The following PTPRM variants were observed in gnomAD, a reference collection of about 807,000 sequenced individuals.
PTPRM encodes receptor-type tyrosine-protein phosphatase mu.
PTPRM carries 47 observed loss-of-function variants against 186.7 expected under a neutral mutation model. The ratio of observed to expected loss-of-function variants is 0.25; its 90% CI spans 0.20 to 0.32. The LOEUF (loss-of-function observed/expected upper bound fraction) is 0.32, where lower values mean the gene tolerates loss of function less well. PTPRM is among the 10% of genes least tolerant of loss of function. PTPRM has a pLI of 1.00. For synonymous variants in PTPRM, 668 were observed against 674.9 expected (o/e 0.99, Z 0.16); for missense variants, 1,494 against 1,865.0 (o/e 0.80, Z 3.66).
At chr18:8,383,983 G>A (rs187979406) in intron 29 of PTPRM, among the ~76,000 whole-genome samples, 17 of 152,280 alleles carry the variant, frequency 1.1e-4, no homozygotes, top group South Asian at 2.1e-4. Context: ...ACATGACCTC[G>A]TTGGAAAGCA....
chr18:7,631,262 G>A (rs1046210464), intron 1 of PTPRM, among the ~76,000 whole-genome samples: 2 of 152,056 alleles, frequency 1.3e-5, no homozygotes, highest in Non-Finnish European at 2.9e-5. Context: ...GAATCCCACT[G>A]AGAAAATATT....
intron 8 of PTPRM, among the ~76,000 whole-genome samples, chr18:8,075,280 C>A (rs1303711060): frequency 1.4e-5 from 2 of 147,788 alleles, no homozygotes; most frequent in East Asian, 2.0e-4. Context: ...ATATATATAT[C>A]TTTATCTATG....
chr18:7,838,699 G>A (rs527789145), intron 2 of PTPRM, among the ~76,000 whole-genome samples: 1 of 152,346 alleles, frequency 6.6e-6, no homozygotes, highest in East Asian at 1.9e-4. Flanking sequence ...AGGCCTTGGG[G>A]CTCTACAGTC....
chr18:7,825,121 C>A (rs2045414519), intron 2 of PTPRM, among the ~76,000 whole-genome samples: 2 of 152,108 alleles, frequency 1.3e-5, no homozygotes, highest in African/African-American at 4.8e-5. Flanking sequence ...GGAGGAAATT[C>A]CCTAGGAAGA....
rs576793018 is a variant in PTPRM at position 7,721,040 on chromosome 18, C to A, written c.74-53109C>A. 1.7e-3 allele frequency among the ~76,000 whole-genome samples: 265 copies of A among 152,100 alleles called. 1 individual carries two copies. Among genetic ancestry groups the A allele is most frequent in the Non-Finnish European group, 3.0e-3 (204 of 67,966 alleles). ...ATTCTATTTTAAACTTTTTGAGGGACTTCCATACTCTTTACCACAGAGACT... is the reference window on the plus strand; with the variant it reads ...ATTCTATTTTAAACTTTTTGAGGGAATTCCATACTCTTTACCACAGAGACT... On this transcript the variant is annotated intron_variant, in intron 1 of 32. Transcript: ENST00000580170.
intron 2 of PTPRM, among the ~76,000 whole-genome samples, chr18:7,817,052 G>A (rs941759981): frequency 2.0e-5 from 3 of 147,224 alleles, no homozygotes; most frequent in Non-Finnish European, 4.4e-5. Context: ...TCGGCTCACT[G>A]CAACCTCTGC....
At chr18:7,736,285 A>G (rs2040769490) in intron 1 of PTPRM, among the ~76,000 whole-genome samples, 1 of 152,134 alleles carries the variant, frequency 6.6e-6, no homozygotes, top group Non-Finnish European at 1.5e-5. Flanking sequence ...CTGAGTTTTC[A>G]TAAATGCCAA....
chr18:8,080,287 A>G (rs952228696), intron 9 of PTPRM, among the ~76,000 whole-genome samples: 1 of 152,180 alleles, frequency 6.6e-6, no homozygotes, highest in East Asian at 1.9e-4. Flanking sequence ...AAGTATTTTC[A>G]TTGTATCCTA....
At chr18:8,382,386 A>T (rs974606521) in intron 29 of PTPRM, among the ~76,000 whole-genome samples, 4 of 152,200 alleles carry the variant, frequency 2.6e-5, no homozygotes, top group South Asian at 2.1e-4. Flanking sequence ...GGCAGTAGAA[A>T]AATGGGCAGA....
intron 14 of PTPRM, among the ~76,000 whole-genome samples, chr18:8,182,571 A>G (rs1037917348): frequency 6.6e-6 from 1 of 152,226 alleles, no homozygotes; most frequent in Non-Finnish European, 1.5e-5. Context: ...TTTCAGATAT[A>G]TAGATGTCTA....
chr18:7,737,175 T>A (rs1341125619), intron 1 of PTPRM, among the ~76,000 whole-genome samples: 1 of 152,092 alleles, frequency 6.6e-6, no homozygotes, highest in Non-Finnish European at 1.5e-5. Flanking sequence ...TCATCCAGGC[T>A]GGAGTGCAGT....
At chr18:8,187,597 G>A (rs548128976) in intron 14 of PTPRM, among the ~76,000 whole-genome samples, 19 of 152,308 alleles carry the variant, frequency 1.2e-4, no homozygotes, top group African/African-American at 3.4e-4. Context: ...TGGACAGCAC[G>A]GAGGCCAGTA....
At chr18:8,056,399 C>A (rs2148315284) in intron 7 of PTPRM, among the ~76,000 whole-genome samples, 1 of 152,224 alleles carries the variant, frequency 6.6e-6, no homozygotes, top group African/African-American at 2.4e-5. Flanking sequence ...GAGGCCGAGG[C>A]AGGTGGATCA....
intron 1 of PTPRM, among the ~76,000 whole-genome samples, chr18:7,708,843 A>G (rs73391522): frequency 0.062 from 9,422 of 152,200 alleles, 759 homozygotes; most frequent in African/African-American, 0.18. Flanking sequence ...AATATTTTAC[A>G]TAGAATAATT....
At chr18:7,768,073 T>C (rs1406666110) in intron 1 of PTPRM, among the ~76,000 whole-genome samples, 1 of 152,188 alleles carries the variant, frequency 6.6e-6, no homozygotes, top group Non-Finnish European at 1.5e-5. Flanking sequence ...AGTACCAAGG[T>C]GACTAAGACA....
At chr18:8,127,176 A>T (rs1221542121) in intron 13 of PTPRM, among the ~76,000 whole-genome samples, 1 of 152,178 alleles carries the variant, frequency 6.6e-6, no homozygotes, top group Non-Finnish European at 1.5e-5. Flanking sequence ...GAACAGAGTA[A>T]GTAGATGTGA....
In PTPRM at chr18:8,139,052, T is replaced by G. The variant is rs547555930; in HGVS notation, c.2168-4595T>G. On this transcript the variant is annotated intron_variant, in intron 13 of 32. Transcript: ENST00000580170. The stretch of plus-strand genomic sequence containing the variant: ...CCATCTTTTTTATGACAACCTCAAA[T>G]TTATCTTCTACACCCAGATCTCTCC... Among the ~76,000 whole-genome samples, 11 of 152,156 alleles carry G rather than the reference T, an allele frequency of 7.2e-5. No homozygotes were observed. In the East Asian group the frequency reaches 2.1e-3, roughly 29 times the overall value.
At chr18:7,787,100 A>G (rs1369631906) in intron 2 of PTPRM, among the ~76,000 whole-genome samples, 1 of 152,240 alleles carries the variant, frequency 6.6e-6, no homozygotes, top group East Asian at 1.9e-4. Context: ...ACTTGATACA[A>G]TAGCATTATA....
intron 23 of PTPRM, among the ~76,000 whole-genome samples, chr18:8,349,092 A>C (rs2095520681): frequency 6.6e-6 from 1 of 152,224 alleles, no homozygotes; most frequent in South Asian, 2.1e-4. Flanking sequence ...GTCAGAACTA[A>C]CAACTTTCTA....
Sources: allele counts gnomAD v4.1 joint callset (sites outside exome capture counted in the v4.1 genomes callset), GRCh38; gene constraint gnomAD v4.1.1; transcripts MANE v1.5; gene names NCBI Gene and HGNC (gene_info 2026-07-23, HGNC 2026-07-21).